SLC16A7: variants seen among roughly 807,000 people sequenced by gnomAD.
SLC16A7 encodes the protein monocarboxylate transporter 2.
SLC16A7 carries 33 observed loss-of-function variants against 34.9 expected under a neutral mutation model. The ratio of observed to expected loss-of-function variants is 0.94; its 90% CI spans 0.72 to 1.26. The LOEUF (loss-of-function observed/expected upper bound fraction) is 1.26, where lower values mean the gene tolerates loss of function less well. SLC16A7 is among the 50% of genes most tolerant of loss of function. The probability of loss-of-function intolerance (pLI) is 0.00; values close to 1 mark genes in which losing one functional copy is unlikely to be tolerated. For missense variants in SLC16A7, 573 were observed against 578.1 expected, an observed-to-expected ratio of 0.99 and a Z score of 0.09; for synonymous variants, 201 against 206.6, an observed-to-expected ratio of 0.97 and a Z score of 0.23.
At chr12:59,615,359 GA>G (rs201075173) in intron 1 of SLC16A7, among the ~76,000 whole-genome samples, 187 of 149,452 alleles carry the variant, frequency 1.3e-3, no homozygotes, top group African/African-American at 4.0e-3. Context: ...ATCTGAAAAT[GA>G]AAAAAAAACC....
chr12:59,660,294 C>A (rs1254114332), intron 2 of SLC16A7, among the ~76,000 whole-genome samples: 1 of 152,006 alleles, frequency 6.6e-6, no homozygotes, highest in African/African-American at 2.4e-5. Context: ...CGTCTTCCAT[C>A]TGCTGCTGAG....
chr12:59,647,748 A>T (rs1868271513), intron 1 of SLC16A7, among the ~76,000 whole-genome samples: 1 of 152,108 alleles, frequency 6.6e-6, no homozygotes, highest in Non-Finnish European at 1.5e-5. Context: ...TTTTTAATTT[A>T]AATAAGCCAG....
intron 2 of SLC16A7, among the ~76,000 whole-genome samples, chr12:59,677,324 A>AT (rs929922320): frequency 6.6e-6 from 1 of 152,064 alleles, no homozygotes; most frequent in Non-Finnish European, 1.5e-5. Flanking sequence ...TATTAAAGAG[A>AT]TTTTTTTAAG....
intron 3 of SLC16A7, among the ~76,000 whole-genome samples, chr12:59,755,402 CAA>C (rs1880185709): frequency 6.6e-6 from 1 of 152,186 alleles, no homozygotes; most frequent in Admixed American, 6.6e-5. Context: ...GCAACTTCAG[CAA>C]AGTCTCAGGA....
At position 59,681,972 on chromosome 12, in the gene SLC16A7, A is replaced by G. The variant is rs144257797; in HGVS notation, c.-30-22800A>G. ...ATCTCATAACACAGCTTCATTCCCC[A>G]AGGTCTTTGAAAATGAATTTTACAT... On this transcript the variant is annotated intron_variant, in intron 2 of 5. Coordinates refer to ENST00000547379, the MANE Select transcript of SLC16A7 (RefSeq NM_001270623.2). Among the ~76,000 whole-genome samples, 36 of 152,196 alleles carry G rather than the reference A, an allele frequency of 2.4e-4. No homozygotes were observed. In the East Asian group the frequency reaches 6.6e-3, roughly 28 times the overall value.
At chr12:59,718,958 C>A (rs551336001) in intron 3 of SLC16A7, among the ~76,000 whole-genome samples, 81 of 152,168 alleles carry the variant, frequency 5.3e-4, no homozygotes, top group Non-Finnish European at 7.8e-4. Context: ...ATCTAGGACC[C>A]GATTCCCCCA....
At chr12:59,616,045 G>A (rs567164314) in intron 1 of SLC16A7, among the ~76,000 whole-genome samples, 9 of 152,284 alleles carry the variant, frequency 5.9e-5, no homozygotes, top group East Asian at 3.9e-4. Flanking sequence ...ACAGTTCCCA[G>A]AAGCCAGCCT....
chr12:59,769,962 C>A (rs1290156447), intron 3 of SLC16A7, among the ~76,000 whole-genome samples: 1 of 151,934 alleles, frequency 6.6e-6, no homozygotes, highest in Non-Finnish European at 1.5e-5. Flanking sequence ...TATACATTGA[C>A]AAGTCCCATA....
At chr12:59,689,323 A>G (rs144529462) in intron 2 of SLC16A7, 1 of 152,002 alleles carries the variant, frequency 6.6e-6, no homozygotes, top group Non-Finnish European at 1.5e-5. Flanking sequence ...TGACAAAGAG[A>G]TAGATGGAAC....
chr12:59,697,992 A>T (rs1390159982), intron 2 of SLC16A7, among the ~76,000 whole-genome samples: 1 of 151,824 alleles, frequency 6.6e-6, no homozygotes, highest in African/African-American at 2.4e-5. Context: ...TTAGACTCTG[A>T]TGGGAAAGAT....
intron 2 of SLC16A7, among the ~76,000 whole-genome samples, chr12:59,691,775 T>C (rs1158039308): frequency 6.6e-6 from 1 of 152,062 alleles, no homozygotes; most frequent in Non-Finnish European, 1.5e-5. Flanking sequence ...ATTAACACTT[T>C]TTATGAATGT....
chr12:59,663,655 T>C (rs1446899478), intron 2 of SLC16A7, among the ~76,000 whole-genome samples: 9 of 152,120 alleles, frequency 5.9e-5, no homozygotes, highest in Non-Finnish European at 1.0e-4. Flanking sequence ...CATAGTATAA[T>C]TTTTTCACTG....
At chr12:59,678,191 C>CT (rs1870461840) in intron 2 of SLC16A7, among the ~76,000 whole-genome samples, 1 of 152,204 alleles carries the variant, frequency 6.6e-6, no homozygotes, top group Admixed American at 6.5e-5. Flanking sequence ...TCTCTCTTCT[C>CT]TCCTTCTTAT....
intron 2 of SLC16A7, among the ~76,000 whole-genome samples, chr12:59,660,978 T>C (rs1868818177): frequency 6.6e-6 from 1 of 152,058 alleles, no homozygotes; most frequent in Non-Finnish European, 1.5e-5. Flanking sequence ...CCAAAACACA[T>C]TAAAATACCT....
intron 2 of SLC16A7, among the ~76,000 whole-genome samples, chr12:59,673,616 A>G (rs1415947427): frequency 6.6e-6 from 1 of 152,126 alleles, no homozygotes; most frequent in Non-Finnish European, 1.5e-5. Context: ...AAACTGTCTC[A>G]TATAACCCAA....
At chr12:59,759,163 A>G (rs1487994252) in intron 3 of SLC16A7, among the ~76,000 whole-genome samples, 1 of 152,090 alleles carries the variant, frequency 6.6e-6, no homozygotes, top group Non-Finnish European at 1.5e-5. Context: ...GAATTATGAA[A>G]GTAAGCATAT....
At chr12:59,616,502 A>G (rs1310827613) in intron 1 of SLC16A7, among the ~76,000 whole-genome samples, 1 of 152,180 alleles carries the variant, frequency 6.6e-6, no homozygotes, top group Admixed American at 6.5e-5. Context: ...TAAAAAAAGA[A>G]TTAGTTTTTA....
chr12:59,746,392 A>G (rs754886721), intron 3 of SLC16A7, among the ~76,000 whole-genome samples: 5 of 152,352 alleles, frequency 3.3e-5, no homozygotes, highest in Non-Finnish European at 7.3e-5. Flanking sequence ...ATTTTGAGGC[A>G]TCAGTGACAT....
intron 2 of SLC16A7, among the ~76,000 whole-genome samples, chr12:59,683,914 T>C (rs1870942302): frequency 6.6e-6 from 1 of 152,190 alleles, no homozygotes; most frequent in African/African-American, 2.4e-5. Flanking sequence ...AACTGAATAT[T>C]ATTACATACC....
Sources: gnomAD v4.1 joint callset for allele counts (sites outside exome capture counted in the v4.1 genomes callset) on GRCh38, gnomAD v4.1.1 for gene constraint, MANE v1.5 for transcripts, NCBI Gene and HGNC (gene_info 2026-07-23, HGNC 2026-07-21) for gene names.